The following EIF3A variants were observed in gnomAD, a reference collection of about 807,000 sequenced individuals.
EIF3A encodes the protein EIF3, p180 subunit.
Under a neutral mutation model 186.6 loss-of-function variants are expected in EIF3A, and 21 were observed. The observed-to-expected ratio is 0.11, with a 90% CI of 0.08 to 0.16. The LOEUF is 0.16. Ranked by LOEUF, EIF3A falls within the 10% of genes least tolerant of loss-of-function variation. The pLI, the probability that EIF3A is intolerant of heterozygous loss-of-function variation, is 1.00. For synonymous variants in EIF3A, 563 were observed against 584.3 expected (o/e 0.96, Z 0.52); for missense variants, 1,306 against 1,796.3 (o/e 0.73, Z 4.93).
In EIF3A at chr10:119,050,641, C is replaced by G. The variant is rs775536640; in HGVS notation, c.2353G>C (p.Glu785Gln). 6.8e-6 allele frequency: 11 copies of G among 1,614,094 alleles called. No individual in the cohort carries two copies. Among genetic ancestry groups the G allele is most frequent in the Non-Finnish European group, 9.3e-6 (11 of 1,180,028 alleles). Residue 785 changes from glutamate (E) to glutamine (Q), a missense_variant, in exon 16 of 22, where the codon GAA (glutamate) becomes CAA (glutamine). By Grantham distance (29) the Glu-to-Gln change is conservative. This residue lies in a region of EIF3A where 410 missense variants were observed against 473.5 expected (regional missense o/e 0.87). Transcript: ENST00000369144. ...TCTTCCAATCGATTATGCCTTTCTT[C>G]TGCTAATCGCTCTTCAAACTGTTTA... The part of the protein sequence containing the change: ...KLKQFEERLA[E>Q]ERHNRLEERK...
rs1564747546 is a variant in EIF3A, at chr10:119,037,102, G to C, written c.3919+17C>G. On this transcript the variant is annotated intron_variant, in intron 21 of 21. Coordinates refer to ENST00000369144, the MANE Select transcript of EIF3A (RefSeq NM_003750.4). The stretch of plus-strand genomic sequence containing the variant: ...ACGACAGTTCTCCAATACTTCAGTT[G>C]TATGTAACCTCTATACCTTCTTCAC... 1 of 1,325,966 alleles carries C rather than the reference G, an allele frequency of 7.5e-7. No individual in the cohort carries two copies. Among genetic ancestry groups the C allele is most frequent in the Non-Finnish European group, 1.1e-6 (1 of 952,046 alleles). The allele number at this position is 1,325,966 out of a possible 1,614,324, so 82.1% of individuals were successfully genotyped here. A position where few individuals can be genotyped will look rare whatever the true frequency, so the allele number is the denominator to read the frequency against.
intron 17 of EIF3A, among the ~76,000 whole-genome samples, chr10:119,047,884 G>T (rs1476497888): frequency 1.3e-5 from 2 of 152,030 alleles, no homozygotes; most frequent in Non-Finnish European, 2.9e-5. Flanking sequence ...AAAAATAGAG[G>T]AGCAGAGAAA....
At chr10:119,075,854 C>CGGA (rs1554873633) in intron 1 of EIF3A, among the ~76,000 whole-genome samples, 1 of 142,324 alleles carries the variant, frequency 7.0e-6, no homozygotes, top group Admixed American at 7.1e-5. Context: ...GCTGGGACTA[C>CGGA]GGAGCTCGCC....
intron 6 of EIF3A, among the ~76,000 whole-genome samples, chr10:119,066,505 C>CAAAAAAA (rs71016533): frequency 2.1e-5 from 1 of 47,498 alleles, no homozygotes; most frequent in East Asian, 8.7e-4. Context: ...TTAAGACTGT[C>CAAAAAAA]AAAAAAAAAA....
intron 9 of EIF3A, 112 bp downstream of exon 9, chr10:119,060,634 G>A (rs1035174227): frequency 1.2e-5 from 8 of 645,318 alleles, no homozygotes; most frequent in African/African-American, 1.9e-5. Flanking sequence ...TTTTTGCCAG[G>A]GGCAGAACTT....
At chr10:119,041,209 C>T (rs375999197) in intron 19 of EIF3A, among the ~76,000 whole-genome samples, 1 of 151,806 alleles carries the variant, frequency 6.6e-6, no homozygotes. Flanking sequence ...AGACGCATGT[C>T]ACAAACATGT....
In EIF3A at chr10:119,051,309, G is replaced by C; in HGVS notation, c.2209C>G (p.Gln737Glu). 1 of 1,593,030 alleles carries C rather than the reference G, an allele frequency of 6.3e-7. No individual in the cohort carries two copies. Among genetic ancestry groups the C allele is most frequent in the Non-Finnish European group, 8.5e-7 (1 of 1,173,198 alleles). ...TCAAGAGCCTTTTCACGTTCTAGCT[G>C]CATTGTAGTAATCTGCAAGTACAAA... is the stretch of plus-strand genomic sequence containing the variant. ...QQEEERITTM[Q>E]LEREKALEHK... is the part of the protein sequence containing the mutation. The change falls in exon 15 of 22, where the codon CAG becomes GAG. Residue 737 changes from glutamine to glutamate, a missense_variant. Gln to Glu is a conservative substitution (Grantham distance 29, BLOSUM62 2). Around this residue, in one of 8 missense-constraint regions of EIF3A, gnomAD observed 410 missense variants for 473.5 expected, o/e 0.87. Transcript: ENST00000369144.
At chr10:119,041,497 G>A (rs562001126) in intron 19 of EIF3A, among the ~76,000 whole-genome samples, 3 of 152,250 alleles carry the variant, frequency 2.0e-5, no homozygotes, top group African/African-American at 4.8e-5. Flanking sequence ...CCTAGGGTCC[G>A]GGAGGTCAAG....
At chr10:119,061,416 T>A in intron 7 of EIF3A, 88 bp from the exon 8 acceptor site, 1 of 567,132 alleles carries the variant, frequency 1.8e-6, no homozygotes, top group Non-Finnish European at 3.1e-6. Context: ...GCATTGGAAA[T>A]CTGGAAAATG....
In EIF3A at chr10:119,051,203, T is replaced by A; in HGVS notation, c.2315A>T (p.Tyr772Phe). 6.2e-7 allele frequency: 1 copy of A among 1,606,276 alleles called. No homozygotes were observed. Among genetic ancestry groups the A allele is most frequent in the Non-Finnish European group, 8.5e-7 (1 of 1,178,122 alleles). Residue 772 changes from tyrosine (Y) to phenylalanine (F), a missense_variant, in exon 15 of 22, where the codon TAT (tyrosine) becomes TTT (phenylalanine). By Grantham distance (22) the Tyr-to-Phe change is conservative (BLOSUM62 3). Transcript: ENST00000369144. ...MRLKAARQSVYEEKLKQFEER... is the reference protein window; with the variant it reads ...MRLKAARQSVFEEKLKQFEER... The stretch of plus-strand genomic sequence containing the variant: ...CCCAAAAATCAGCAAGCTCACCTCA[T>A]AAACAGACTGCCGTGCAGCTTTGAG...
rs1848343249 is a variant in EIF3A, at chr10:119,050,545, T to G, written c.2449A>C (p.Arg817=). Residue 817 remains arginine, a synonymous_variant, in exon 16 of 22, where the codon AGG becomes CGG. Coordinates refer to ENST00000369144, the MANE Select transcript of EIF3A (RefSeq NM_003750.4). ...CCTTTTAGCATTTGTTCTTCTGCCCTTCTCTGCTCCTCCTCTTCTTTTTCT... is the reference window on the plus strand; with the variant it reads ...CCTTTTAGCATTTGTTCTTCTGCCCGTCTCTGCTCCTCCTCTTCTTTTTCT... The part of the protein sequence containing the change: ...YREKEEEEQR[R]AEEQMLKERE... 1 of 1,614,018 alleles carries G rather than the reference T, an allele frequency of 6.2e-7. No homozygotes were observed.
intron 15 of EIF3A, among the ~76,000 whole-genome samples, chr10:119,050,928 G>GA (rs1848348381): frequency 6.6e-6 from 1 of 152,158 alleles, no homozygotes; most frequent in African/African-American, 2.4e-5. Context: ...GGTCAAATTA[G>GA]AATCTAAGCC....
In EIF3A at chr10:119,036,160, C is replaced by T. The variant is rs1198258688; in HGVS notation, c.4028G>A (p.Arg1343Gln). The part of the protein sequence containing the change: ...PALSRDRERD[R>Q]DREREGEKEK... ...TTTTTCACCTTCTCTTTCTCGGTCT[C>T]GGTCTCTTTCTCGGTCTCTTGAAAG... Residue 1343 changes from arginine (R) to glutamine (Q), a missense_variant, in exon 22 of 22, where the codon CGA becomes CAA. Around this residue, in one of 8 missense-constraint regions of EIF3A, gnomAD observed 331 missense variants for 365.8 expected, o/e 0.90. Coordinates refer to ENST00000369144, the MANE Select transcript of EIF3A (RefSeq NM_003750.4). 14 of 1,613,506 alleles carry T rather than the reference C, an allele frequency of 8.7e-6. No homozygotes were observed. Among genetic ancestry groups the T allele is most frequent in the Admixed American group, 5.0e-5 (3 of 59,942 alleles).
intron 14 of EIF3A, among the ~76,000 whole-genome samples, chr10:119,052,247 A>G (rs1848365916): frequency 6.6e-6 from 1 of 152,118 alleles, no homozygotes; most frequent in Non-Finnish European, 1.5e-5. Flanking sequence ...CATTTTCACC[A>G]GGAGATTTCA....
chr10:119,078,596 G>A (rs371352503), intron 1 of EIF3A, among the ~76,000 whole-genome samples: 16 of 152,002 alleles, frequency 1.1e-4, no homozygotes, highest in African/African-American at 3.6e-4. Context: ...ACAATCCAAA[G>A]GTATGAGTTT....
At chr10:119,061,037 C>A (rs1382300849) in intron 8 of EIF3A, 187 bp downstream of exon 8, 7 of 577,736 alleles carry the variant, frequency 1.2e-5, no homozygotes, top group Middle Eastern at 3.9e-4. Flanking sequence ...TGCTAATTAA[C>A]CTCCAAAGGT....
chr10:119,073,979 A>G (rs758443401), intron 1 of EIF3A, 42 bp from the exon 2 acceptor site: 9 of 1,471,604 alleles, frequency 6.1e-6, no homozygotes, highest in African/African-American at 1.4e-5. Context: ...TGTACACTAT[A>G]CAAGAGTCTA....
rs1162336340 is a variant in EIF3A, at chr10:119,056,959, G to A, written c.2059C>T (p.Arg687Cys). The A allele has an allele frequency of 1.9e-6, 3 of 1,611,958 alleles. No individual in the cohort carries two copies. The highest frequency in any genetic ancestry group is 2.5e-6 in the Non-Finnish European group (3 of 1,178,670). The change falls in exon 13 of 22, where the codon CGC becomes TGC. Residue 687 changes from arginine (R) to cysteine (C), a missense_variant. By Grantham distance (180) the Arg-to-Cys change is radical. Transcript: ENST00000369144. The stretch of plus-strand genomic sequence containing the variant: ...ACCTTCTTTTCTTGATTCTTTAGGC[G>A]TTCTTGAAGTTCTTTCTTTTCTTTC... Reference protein sequence around the residue: ...LEKEKKELQERLKNQEKKIDY... With the variant: ...LEKEKKELQECLKNQEKKIDY...
At chr10:119,066,096 AC>A (rs1843973322) in intron 6 of EIF3A, among the ~76,000 whole-genome samples, 1 of 148,996 alleles carries the variant, frequency 6.7e-6, no homozygotes, top group Non-Finnish European at 1.5e-5. Flanking sequence ...AGCCTGGGCG[AC>A]AGAGCCAGAC....
Sources: allele counts gnomAD v4.1 joint callset (sites outside exome capture counted in the v4.1 genomes callset), GRCh38; gene constraint gnomAD v4.1.1; regional missense constraint gnomAD v4.1.1; transcripts MANE v1.5; gene names NCBI Gene and HGNC (gene_info 2026-07-23, HGNC 2026-07-21).